The following LRMDA variants were observed in gnomAD, a reference collection of about 807,000 sequenced individuals.
LRMDA encodes the protein leucine rich melanocyte differentiation associated, also known as leucine-rich melanocyte differentiation-associated protein.
In LRMDA, 18 loss-of-function variants were observed where a neutral mutation model predicts 29.8. That is an observed-to-expected ratio of 0.60 (90% confidence interval 0.42 to 0.90). The LOEUF (loss-of-function observed/expected upper bound fraction) is 0.90, where lower values mean the gene tolerates loss of function less well. Ranked by LOEUF, LRMDA falls within the 40% of genes least tolerant of loss-of-function variation. The pLI, the probability that LRMDA is intolerant of heterozygous loss-of-function variation, is 0.00. For missense variants in LRMDA, 273 were observed against 273.9 expected (o/e 1.00, Z 0.02); for synonymous variants, 125 against 109.4 (o/e 1.14, Z -0.89).
chr10:76,476,940 T>A (rs1842679973), intron 6 of LRMDA, among the ~76,000 whole-genome samples: 1 of 152,112 alleles, frequency 6.6e-6, no homozygotes, highest in Middle Eastern at 3.2e-3. Context: ...CCACAGCCAT[T>A]ATCATACTGA....
chr10:76,084,319 T>C (rs1264648821), intron 5 of LRMDA, among the ~76,000 whole-genome samples: 6 of 148,810 alleles, frequency 4.0e-5, no homozygotes, highest in African/African-American at 1.5e-4. Flanking sequence ...TGCCTCAGCC[T>C]CCCAGGTAGC....
chr10:75,922,083 G>C (rs1846032398), intron 2 of LRMDA, among the ~76,000 whole-genome samples: 1 of 152,168 alleles, frequency 6.6e-6, no homozygotes, highest in African/African-American at 2.4e-5. Flanking sequence ...CTTCTGGGTT[G>C]ATATCTGTTT....
intron 5 of LRMDA, among the ~76,000 whole-genome samples, chr10:76,171,345 G>T (rs1260448234): frequency 1.3e-5 from 2 of 152,186 alleles, no homozygotes; most frequent in African/African-American, 4.8e-5. Flanking sequence ...CACCGTGTCA[G>T]CCAGGCTGGT....
At chr10:75,911,657 A>T (rs1028152531) in intron 2 of LRMDA, among the ~76,000 whole-genome samples, 2 of 152,222 alleles carry the variant, frequency 1.3e-5, no homozygotes, top group Non-Finnish European at 2.9e-5. Context: ...GAGTTGGGGT[A>T]GTAAGTTAAA....
chr10:75,477,682 G>C (rs894684612), intron 2 of LRMDA, among the ~76,000 whole-genome samples: 1 of 152,316 alleles, frequency 6.6e-6, no homozygotes, highest in Middle Eastern at 3.4e-3. Flanking sequence ...GGCTTGTATA[G>C]CCCCTGGGGC....
intron 2 of LRMDA, among the ~76,000 whole-genome samples, chr10:75,560,970 A>G (rs1406365506): frequency 2.7e-5 from 4 of 150,876 alleles, no homozygotes; most frequent in Non-Finnish European, 6.0e-5. Flanking sequence ...ATCAATGTTC[A>G]TCAAGGATAT....
At chr10:75,506,092 C>G (rs575075087) in intron 2 of LRMDA, among the ~76,000 whole-genome samples, 1 of 152,148 alleles carries the variant, frequency 6.6e-6, no homozygotes, top group African/African-American at 2.4e-5. Flanking sequence ...GTCAATGAAC[C>G]ATAAGTAGAA....
intron 2 of LRMDA, among the ~76,000 whole-genome samples, chr10:75,597,491 T>C (rs1840805743): frequency 6.6e-6 from 1 of 152,144 alleles, no homozygotes; most frequent in Admixed American, 6.5e-5. Flanking sequence ...CCCTGCAATC[T>C]GGGATATTGT....
rs530298485 is a variant in LRMDA, at chr10:75,478,308, G to C, written c.131+39814G>C. Among the ~76,000 whole-genome samples the C allele has an allele frequency of 7.2e-5, 11 of 152,324 alleles. No individual in the cohort carries two copies. The South Asian group carries it at 2.3e-3, about 32-fold the overall frequency. Reference sequence around the variant, plus strand: ...CCTAACCTCAGGCAAAAGGTCCTTGGTTCAGGCTTGGTGACTGATGTTGCA... The same window carrying C: ...CCTAACCTCAGGCAAAAGGTCCTTGCTTCAGGCTTGGTGACTGATGTTGCA... On this transcript the variant is annotated intron_variant, in intron 2 of 6. Coordinates refer to ENST00000611255, the MANE Select transcript of LRMDA (RefSeq NM_001305581.2).
intron 2 of LRMDA, among the ~76,000 whole-genome samples, chr10:75,660,748 T>G (rs1423770485): frequency 6.6e-6 from 1 of 151,962 alleles, no homozygotes; most frequent in Non-Finnish European, 1.5e-5. Flanking sequence ...TTTTTGAGAC[T>G]TGGGGGAGGA....
chr10:76,394,684 C>T (rs961004018), intron 6 of LRMDA, among the ~76,000 whole-genome samples: 3 of 152,136 alleles, frequency 2.0e-5, no homozygotes, highest in Non-Finnish European at 1.5e-5. Context: ...CTCTTCACAA[C>T]AGAATGCAAG....
chr10:75,804,928 T>C (rs1013073235), intron 2 of LRMDA, among the ~76,000 whole-genome samples: 16 of 152,076 alleles, frequency 1.1e-4, no homozygotes, highest in African/African-American at 3.9e-4. Context: ...CTGGCCAGCC[T>C]TAGGCAGGAC....
At chr10:76,090,801 T>C (rs1849218509) in intron 5 of LRMDA, among the ~76,000 whole-genome samples, 1 of 152,158 alleles carries the variant, frequency 6.6e-6, no homozygotes, top group Non-Finnish European at 1.5e-5. Context: ...ATTCTACTTA[T>C]ATTCAGAGAG....
intron 2 of LRMDA, among the ~76,000 whole-genome samples, chr10:75,465,137 A>G (rs1028471761): frequency 5.0e-4 from 76 of 152,332 alleles, no homozygotes; most frequent in African/African-American, 1.8e-3. Flanking sequence ...TTACCTGAAG[A>G]GGATGAGGCA....
chr10:75,798,891 T>TA (rs1310537918), intron 2 of LRMDA, among the ~76,000 whole-genome samples: 3 of 152,178 alleles, frequency 2.0e-5, no homozygotes, highest in Non-Finnish European at 2.9e-5. Flanking sequence ...GGTTGTCAAT[T>TA]AAAAAAACTT....
At chr10:75,570,194 T>C (rs753001998) in intron 2 of LRMDA, among the ~76,000 whole-genome samples, 2 of 152,204 alleles carry the variant, frequency 1.3e-5, no homozygotes, top group African/African-American at 2.4e-5. Context: ...TCCTCATCTA[T>C]AAAATGGAAG....
intron 2 of LRMDA, among the ~76,000 whole-genome samples, chr10:75,873,869 A>G (rs1357835790): frequency 6.6e-6 from 1 of 152,190 alleles, no homozygotes; most frequent in Admixed American, 6.5e-5. Flanking sequence ...CTGTCACTGT[A>G]TAGTATCAGG....
intron 5 of LRMDA, among the ~76,000 whole-genome samples, chr10:76,115,083 G>C (rs1436978739): frequency 2.0e-5 from 3 of 152,192 alleles, no homozygotes; most frequent in African/African-American, 4.8e-5. Flanking sequence ...GAGGCTCCTG[G>C]GCTAGCATCC....
At chr10:75,467,277 GT>G in intron 2 of LRMDA, among the ~76,000 whole-genome samples, 1 of 152,312 alleles carries the variant, frequency 6.6e-6, no homozygotes, top group African/African-American at 2.4e-5. Context: ...GCAGGGAAGG[GT>G]GGAACAGTTG....
Sources: allele counts gnomAD v4.1 joint callset (sites outside exome capture counted in the v4.1 genomes callset), GRCh38; gene constraint gnomAD v4.1.1; transcripts MANE v1.5; gene names NCBI Gene and HGNC (gene_info 2026-07-23, HGNC 2026-07-21).